The following CNTN3 variants were observed in gnomAD, a reference collection of about 807,000 sequenced individuals.
CNTN3 encodes contactin 3.
In CNTN3, 60 loss-of-function variants were observed where a neutral mutation model predicts 119.1. That is an observed-to-expected ratio of 0.50 (90% CI 0.41 to 0.62). The LOEUF is 0.62. Among genes scored for constraint, CNTN3 ranks in the 20% least tolerant of loss-of-function variants. CNTN3 has a pLI of 0.00. For missense variants in CNTN3, 1,101 were observed against 1,242.4 expected, an observed-to-expected ratio of 0.89 and a Z score of 1.71; for synonymous variants, 450 against 438.7, an observed-to-expected ratio of 1.03 and a Z score of -0.32.
In CNTN3 at chr3:74,264,481, T is replaced by A. The variant is rs1345597388; in HGVS notation, c.3007A>T (p.Thr1003Ser). 6.2e-7 allele frequency: 1 copy of A among 1,611,186 alleles called. No homozygotes were observed. The highest frequency in any genetic ancestry group is 2.2e-5 in the East Asian group (1 of 44,772). Reference protein sequence around the residue: ...RITSMDARGSTSAISNVHPMS... With the variant: ...RITSMDARGSSSAISNVHPMS... ...GGGTGGACATTCGAGATGGCTGAAG[T>A]GGATCCTCTTGCATCCATACCTGTC... The change falls in exon 23 of 23, where the codon ACT becomes TCT. Residue 1003 changes from threonine (T) to serine (S), a missense_variant. Coordinates refer to ENST00000263665, the MANE Select transcript of CNTN3 (RefSeq NM_020872.3).
intron 5 of CNTN3, among the ~76,000 whole-genome samples, chr3:74,412,336 G>C (rs1158103340): frequency 3.9e-5 from 6 of 152,136 alleles, no homozygotes; most frequent in Non-Finnish European, 7.4e-5. Flanking sequence ...GACTGGAAGG[G>C]GAGAATGTTT....
chr3:74,286,531 C>T (rs1702118682), intron 19 of CNTN3, among the ~76,000 whole-genome samples: 1 of 152,046 alleles, frequency 6.6e-6, no homozygotes, highest in Non-Finnish European at 1.5e-5. Context: ...TAACCCAGAA[C>T]AGAGCCTGTA....
intron 1 of CNTN3, among the ~76,000 whole-genome samples, chr3:74,549,182 T>C (rs544879697): frequency 2.0e-5 from 3 of 152,178 alleles, no homozygotes; most frequent in East Asian, 3.9e-4. Flanking sequence ...TAGTGTTGTC[T>C]CGTAATAGAG....
At chr3:74,558,683 T>C (rs1704106540) in intron 1 of CNTN3, among the ~76,000 whole-genome samples, 1 of 151,986 alleles carries the variant, frequency 6.6e-6, no homozygotes, top group African/African-American at 2.4e-5. Context: ...AACATGGAAT[T>C]AATAATAGTA....
At chr3:74,470,405 A>G (rs1272654941) in intron 4 of CNTN3, among the ~76,000 whole-genome samples, 1 of 152,182 alleles carries the variant, frequency 6.6e-6, no homozygotes, top group Non-Finnish European at 1.5e-5. Context: ...CCAGCTCACC[A>G]CATCCCCAGC....
At chr3:74,386,542 AAAAAC>A (rs1159716696) in intron 5 of CNTN3, among the ~76,000 whole-genome samples, 3 of 152,222 alleles carry the variant, frequency 2.0e-5, no homozygotes, top group Non-Finnish European at 2.9e-5. Context: ...ACCCTGTCAC[AAAAAC>A]AAAACAAAAC....
At chr3:74,294,556 C>T (rs2106801429) in intron 19 of CNTN3, among the ~76,000 whole-genome samples, 1 of 152,276 alleles carries the variant, frequency 6.6e-6, no homozygotes, top group Admixed American at 6.5e-5. Context: ...TCAGTATGTC[C>T]CATCCTTCTT....
chr3:74,363,597 C>A (rs1204689284), intron 10 of CNTN3, among the ~76,000 whole-genome samples: 1 of 152,136 alleles, frequency 6.6e-6, no homozygotes, highest in Non-Finnish European at 1.5e-5. Flanking sequence ...TAACCCAAAT[C>A]AGGCTATATG....
At chr3:74,396,477 T>C (rs928009043) in intron 5 of CNTN3, among the ~76,000 whole-genome samples, 4 of 152,126 alleles carry the variant, frequency 2.6e-5, no homozygotes, top group African/African-American at 9.7e-5. Flanking sequence ...TCTTCAACTT[T>C]ATAAAAGCTG....
chr3:74,267,848 C>G (rs574523670), intron 20 of CNTN3, among the ~76,000 whole-genome samples: 27 of 152,146 alleles, frequency 1.8e-4, no homozygotes, highest in African/African-American at 6.5e-4. Flanking sequence ...TTGACGCATA[C>G]AGAGGCTGGA....
chr3:74,388,827 T>C (rs1704821923), intron 5 of CNTN3, among the ~76,000 whole-genome samples: 1 of 152,166 alleles, frequency 6.6e-6, no homozygotes, highest in African/African-American at 2.4e-5. Context: ...TTTATAAGGA[T>C]TCATCAATTA....
intron 1 of CNTN3, among the ~76,000 whole-genome samples, chr3:74,547,872 C>T (rs892637778): frequency 8.5e-5 from 13 of 152,100 alleles, no homozygotes; most frequent in East Asian, 3.8e-4. Flanking sequence ...ATGTTTCTCC[C>T]GCCACAAAAT....
At chr3:74,451,248 A>G (rs1702148419) in intron 4 of CNTN3, among the ~76,000 whole-genome samples, 1 of 152,038 alleles carries the variant, frequency 6.6e-6, no homozygotes, top group African/African-American at 2.4e-5. Context: ...TTTGATTTGC[A>G]TTTCTCTGAT....
At chr3:74,519,191 T>C (rs1575803688) in intron 2 of CNTN3, among the ~76,000 whole-genome samples, 3 of 151,834 alleles carry the variant, frequency 2.0e-5, no homozygotes, top group South Asian at 4.1e-4. Context: ...TGGAAACATA[T>C]CTACATATAT....
chr3:74,402,151 A>C (rs1235262470), intron 5 of CNTN3, among the ~76,000 whole-genome samples: 1 of 152,190 alleles, frequency 6.6e-6, no homozygotes, highest in East Asian at 1.9e-4. Flanking sequence ...GTAAGGCATG[A>C]AACCCCAAAG....
At chr3:74,408,814 C>T (rs547978554) in intron 5 of CNTN3, among the ~76,000 whole-genome samples, 3 of 152,272 alleles carry the variant, frequency 2.0e-5, no homozygotes, top group Admixed American at 1.3e-4. Context: ...TTCATCTCTC[C>T]TTTGTCTTCT....
intron 4 of CNTN3, among the ~76,000 whole-genome samples, chr3:74,436,797 C>G (rs1701874184): frequency 6.6e-6 from 1 of 151,960 alleles, no homozygotes; most frequent in African/African-American, 2.4e-5. Flanking sequence ...ATTTCTGTAC[C>G]CAGATTGTTT....
chr3:74,532,340 G>T, intron 1 of CNTN3, among the ~76,000 whole-genome samples: 1 of 151,882 alleles, frequency 6.6e-6, no homozygotes, highest in East Asian at 1.9e-4. Context: ...CTTATCTGTG[G>T]GGCATACATT....
intron 5 of CNTN3, among the ~76,000 whole-genome samples, chr3:74,376,906 AAAAC>A (rs1704488336): frequency 6.7e-6 from 1 of 150,146 alleles, no homozygotes; most frequent in Non-Finnish European, 1.5e-5. Context: ...AATTTTCAAA[AAAAC>A]AAACAAACAA....
Sources: allele counts gnomAD v4.1 joint callset (sites outside exome capture counted in the v4.1 genomes callset), GRCh38; gene constraint gnomAD v4.1.1; transcripts MANE v1.5; gene names NCBI Gene and HGNC (gene_info 2026-07-23, HGNC 2026-07-21).